ARHGAP24: variants seen among roughly 807,000 people sequenced by gnomAD.
The protein encoded by ARHGAP24 is Rho GTPase activating protein 24, also known as rho GTPase-activating protein 24.
In ARHGAP24, 50 loss-of-function variants were observed where a neutral mutation model predicts 76.4. The observed-to-expected ratio is 0.65, with a 90% CI of 0.52 to 0.83. The LOEUF (loss-of-function observed/expected upper bound fraction) is 0.83, where lower values mean the gene tolerates loss of function less well. Among genes scored for constraint, ARHGAP24 ranks in the 40% least tolerant of loss-of-function variants. The pLI, the probability that ARHGAP24 is intolerant of heterozygous loss-of-function variation, is 0.00. For synonymous variants in ARHGAP24, 345 were observed against 323.3 expected (o/e 1.07, Z -0.72); for missense variants, 930 against 914.2 (o/e 1.02, Z -0.22).
At chr4:85,565,846 T>C (rs2109959947) in intron 1 of ARHGAP24, among the ~76,000 whole-genome samples, 1 of 152,346 alleles carries the variant, frequency 6.6e-6, no homozygotes, top group East Asian at 1.9e-4. Context: ...GTCACACATC[T>C]AAATATCTAT....
chr4:85,701,300 A>T (rs1724076927), intron 2 of ARHGAP24, among the ~76,000 whole-genome samples: 1 of 152,044 alleles, frequency 6.6e-6, no homozygotes, highest in African/African-American at 2.4e-5. Flanking sequence ...TTATTTCAAT[A>T]ATTTTTGCGT....
chr4:85,499,201 G>T (rs965602081), intron 1 of ARHGAP24, among the ~76,000 whole-genome samples: 4 of 152,312 alleles, frequency 2.6e-5, no homozygotes, highest in African/African-American at 9.6e-5. Context: ...ATATAAATAT[G>T]TATTTGGTAA....
chr4:85,574,766 T>G (rs1257972105), intron 2 of ARHGAP24, among the ~76,000 whole-genome samples: 8 of 152,226 alleles, frequency 5.3e-5, no homozygotes, highest in African/African-American at 1.9e-4. Flanking sequence ...CGTCTCTGTC[T>G]TCAATTTTTA....
chr4:85,980,419 G>A (rs12500273), intron 8 of ARHGAP24, among the ~76,000 whole-genome samples: 31,853 of 152,008 alleles, frequency 0.21, 3,605 homozygotes, highest in South Asian at 0.39. Flanking sequence ...AAGACACTGA[G>A]GATAACAGAA....
chr4:85,947,503 TG>T (rs1737353062), intron 5 of ARHGAP24, among the ~76,000 whole-genome samples: 1 of 152,190 alleles, frequency 6.6e-6, no homozygotes, highest in African/African-American at 2.4e-5. Flanking sequence ...ACAATTACAG[TG>T]GTGATCAAGT....
chr4:85,733,060 C>CTTTTTTTTTTTTTTTTTTTTTTGT (rs1210109366), intron 3 of ARHGAP24, among the ~76,000 whole-genome samples: 1 of 55,206 alleles, frequency 1.8e-5, no homozygotes, highest in African/African-American at 6.4e-5. Flanking sequence ...GCCTCACCAA[C>CTTTTTTTTTTTTTTTTTTTTTTGT]TTTTTTTTTT....
intron 1 of ARHGAP24, among the ~76,000 whole-genome samples, chr4:85,512,584 T>C (rs534906834): frequency 3.4e-4 from 52 of 152,320 alleles, no homozygotes; most frequent in African/African-American, 1.1e-3. Flanking sequence ...ATCGACCAGG[T>C]CTTTTGGGAT....
At chr4:85,934,477 C>T (rs1385428491) in intron 4 of ARHGAP24, among the ~76,000 whole-genome samples, 2 of 152,154 alleles carry the variant, frequency 1.3e-5, no homozygotes, top group African/African-American at 2.4e-5. Context: ...CAATTATATG[C>T]TCCTAACTCT....
At chr4:85,880,013 G>C (rs1733156095) in intron 3 of ARHGAP24, among the ~76,000 whole-genome samples, 1 of 152,126 alleles carries the variant, frequency 6.6e-6, no homozygotes, top group South Asian at 2.1e-4. Flanking sequence ...GTGCAGTCTG[G>C]TTCCTAACAG....
chr4:85,765,427 A>G (rs1165886343), intron 3 of ARHGAP24, among the ~76,000 whole-genome samples: 1 of 152,114 alleles, frequency 6.6e-6, no homozygotes, highest in Non-Finnish European at 1.5e-5. Flanking sequence ...CACTAAGGAA[A>G]ATGAGTTGAA....
At chr4:85,475,999 GC>G (rs1390536511) in intron 1 of ARHGAP24, among the ~76,000 whole-genome samples, 2 of 149,326 alleles carry the variant, frequency 1.3e-5, no homozygotes, top group African/African-American at 4.9e-5. Flanking sequence ...TTAATAATAA[GC>G]ATATATATTT....
intron 2 of ARHGAP24, among the ~76,000 whole-genome samples, chr4:85,617,629 C>G (rs1720583555): frequency 6.6e-6 from 1 of 151,864 alleles, no homozygotes; most frequent in South Asian, 2.1e-4. Context: ...TTGATTAGTC[C>G]CTATTGATGG....
chr4:85,544,725 T>C (rs1725845029), intron 1 of ARHGAP24, among the ~76,000 whole-genome samples: 1 of 152,122 alleles, frequency 6.6e-6, no homozygotes. Context: ...TACATATATG[T>C]AAATTTTTTT....
intron 1 of ARHGAP24, among the ~76,000 whole-genome samples, chr4:85,484,539 C>T (rs1404556617): frequency 2.0e-5 from 3 of 152,032 alleles, no homozygotes; most frequent in East Asian, 1.9e-4. Flanking sequence ...GTTGATTGTA[C>T]GTCATTACTT....
chr4:85,772,904 A>G (rs1244623704), intron 3 of ARHGAP24, among the ~76,000 whole-genome samples: 1 of 150,172 alleles, frequency 6.7e-6, no homozygotes, highest in African/African-American at 2.4e-5. Context: ...GCTGCCCTCA[A>G]AGAGACAGGC....
At position 86,000,861 on chromosome 4, in the gene ARHGAP24, A is replaced by G. The variant is rs557211596; in HGVS notation, c.*139A>G. ...GAAGGAATATCATTTACAGACATTA[A>G]ACATCCATATCTGCAATGTGTACCA... On this transcript the variant is annotated 3_prime_UTR_variant, in exon 10 of 10. Coordinates refer to ENST00000395184, the MANE Select transcript of ARHGAP24 (RefSeq NM_001025616.3). 9.4e-6 allele frequency: 12 copies of G among 1,282,538 alleles called. No individual in the cohort carries two copies. In the African/African-American group the frequency reaches 1.6e-4, roughly 17 times the overall value. The allele number at this position is 1,282,538 out of a possible 1,614,324, so 79.4% of individuals were successfully genotyped here.
intron 1 of ARHGAP24, among the ~76,000 whole-genome samples, chr4:85,484,731 C>T (rs913672063): frequency 6.6e-6 from 1 of 152,132 alleles, no homozygotes; most frequent in Non-Finnish European, 1.5e-5. Context: ...ATTCTCCTGC[C>T]GTAGCCTCCC....
intron 3 of ARHGAP24, among the ~76,000 whole-genome samples, chr4:85,823,843 C>CTCCCT (rs778179541): frequency 6.6e-6 from 1 of 150,974 alleles, no homozygotes; most frequent in Admixed American, 6.6e-5. Flanking sequence ...CCCTAGCTCC[C>CTCCCT]TCCCTTCCCT....
intron 2 of ARHGAP24, among the ~76,000 whole-genome samples, chr4:85,573,812 G>A (rs1312040877): frequency 6.6e-6 from 1 of 152,164 alleles, no homozygotes; most frequent in Non-Finnish European, 1.5e-5. Flanking sequence ...GAGGAGCTAG[G>A]AGTCACTTTC....
Sources: gnomAD v4.1 joint callset for allele counts (sites outside exome capture counted in the v4.1 genomes callset) on GRCh38, gnomAD v4.1.1 for gene constraint, MANE v1.5 for transcripts, NCBI Gene and HGNC (gene_info 2026-07-23, HGNC 2026-07-21) for gene names.